GPSM1: variants seen among roughly 807,000 people sequenced by gnomAD.
GPSM1 encodes the protein G protein-signaling modulator 1.
Under a neutral mutation model 70.5 loss-of-function variants are expected in GPSM1, and 48 were observed. The observed-to-expected ratio is 0.68, with a 90% CI of 0.54 to 0.87. GPSM1 has a LOEUF of 0.87. Among genes scored for constraint, GPSM1 ranks in the 40% least tolerant of loss-of-function variants. The probability of loss-of-function intolerance (pLI) is 0.00; values close to 1 mark genes in which losing one functional copy is unlikely to be tolerated. For missense variants in GPSM1, 981 were observed against 972.6 expected, an observed-to-expected ratio of 1.01 and a Z score of -0.11; for synonymous variants, 416 against 430.1, an observed-to-expected ratio of 0.97 and a Z score of 0.41.
intron 2 of GPSM1, 77 bp downstream of exon 2, chr9:136,334,745 G>GGGTGAGTGGGGCGGCCCTGCTGGCGC: frequency 8.3e-7 from 1 of 1,197,880 alleles, no homozygotes; most frequent in African/African-American, 1.7e-5. Context: ...CCCTGCTGGT[G>GGGTGAGTGGGGCGGCCCTGCTGGCGC]GGTGAGTGGG....
chr9:136,341,876 C>T lies in GPSM1; in HGVS notation c.1207+883C>T, dbSNP rs1479063376. The T allele has an allele frequency of 1.3e-5, 9 of 697,196 alleles. No homozygotes were observed. The highest frequency in any genetic ancestry group is 7.2e-4 in the Middle Eastern group (1 of 1,390). The allele number at this position is 697,196 out of a possible 1,614,324, so 43.2% of individuals were successfully genotyped here. A position where few individuals can be genotyped will look rare whatever the true frequency, so the allele number is the denominator to read the frequency against. On this transcript the variant is annotated intron_variant, in intron 9 of 13. Transcript: ENST00000440944. The surrounding 1 kb of genome is among the most constrained non-coding windows in gnomAD (Gnocchi z 6.7). ...ATGTTGCCCAGGCCAGTGTCAAACT[C>T]CCAGCCTCAAGCGATCCTCCCATCT...
intron 11 of GPSM1, chr9:136,355,457 T>C: frequency 6.4e-5 from 1 of 15,682 alleles, no homozygotes; most frequent in Non-Finnish European, 9.8e-5. Flanking sequence ...TGACACGTCC[T>C]GGGGGAGGGG....
rs781965795 is a variant in GPSM1, at chr9:136,355,777, T to C, written c.1543T>C (p.Cys515Arg). ...FQSSRMDDQR[C>R]PLDDGQAGAA... Reference sequence around the variant, plus strand: ...GAGCAGCCGCATGGACGACCAGCGTTGTCCCCTGGACGATGGCCAGGCCGG... The same window carrying C: ...GAGCAGCCGCATGGACGACCAGCGTCGTCCCCTGGACGATGGCCAGGCCGG... Residue 515 changes from cysteine (C) to arginine (R), a missense_variant, in exon 12 of 14, where the codon TGT becomes CGT. Physicochemically the swap from Cys to Arg is radical, Grantham distance 180. Coordinates refer to ENST00000440944, the MANE Select transcript of GPSM1 (RefSeq NM_001145638.3). 5 of 1,611,864 alleles carry C rather than the reference T, an allele frequency of 3.1e-6. No individual in the cohort carries two copies. The East Asian group carries it at 6.7e-5, about 22-fold the overall frequency.
intron 1 of GPSM1, among the ~76,000 whole-genome samples, chr9:136,328,189 G>A (rs1554768159): frequency 1.3e-5 from 2 of 152,274 alleles, no homozygotes; most frequent in Admixed American, 1.3e-4. Flanking sequence ...ATCCAGCTGG[G>A]TTGGAAGGGA....
At position 136,342,544 on chromosome 9, in the gene GPSM1, C is replaced by A. The variant is rs943351797; in HGVS notation, c.1207+1551C>A. 6.6e-6 allele frequency among the ~76,000 whole-genome samples: 1 copy of A among 152,234 alleles called. No individual in the cohort carries two copies. Among genetic ancestry groups the A allele is most frequent in the African/African-American group, 2.4e-5 (1 of 41,552 alleles). On this transcript the variant is annotated intron_variant, in intron 9 of 13. Transcript: ENST00000440944. This position sits in a 1 kb window ranked among gnomAD's most constrained non-coding sequence, Gnocchi z 5.5. ...CGCCCAGGGCAGCCCGGCAGCCTGG[C>A]TGGGGCCGCCGCCCGGCTGCCGCTG...
In GPSM1 at chr9:136,335,994, A is replaced by G. The variant is rs1554769160; in HGVS notation, c.319A>G (p.Lys107Glu). The change falls in exon 3 of 14, where the codon AAG (lysine) becomes GAG (glutamate). Residue 107 changes from lysine (K) to glutamate (E), a missense_variant. Lys to Glu is a moderately conservative substitution (Grantham distance 56). Transcript: ENST00000440944. The stretch of plus-strand genomic sequence containing the variant: ...CATCGGTGACCGCATGGGGGAGGCC[A>G]AGGCCAGTGGAAACCTGGGAAACAC... ...RTIGDRMGEA[K>E]ASGNLGNTLK... is the part of the protein sequence containing the mutation. 1 of 1,612,548 alleles carries G rather than the reference A, an allele frequency of 6.2e-7. No individual in the cohort carries two copies. Among genetic ancestry groups the G allele is most frequent in the East Asian group, 2.2e-5 (1 of 44,870 alleles).
chr9:136,334,693 G>A lies in GPSM1; in HGVS notation c.290+25G>A, dbSNP rs1384975036. On this transcript the variant is annotated intron_variant, in intron 2 of 13. Coordinates refer to ENST00000440944, the MANE Select transcript of GPSM1 (RefSeq NM_001145638.3). Reference sequence around the variant, plus strand: ...GGTGAGTGGGGACGGTCCTGCTGGCGGGTGAGTGGGGCGGCCCTGCTGGCG... The same window carrying A: ...GGTGAGTGGGGACGGTCCTGCTGGCAGGTGAGTGGGGCGGCCCTGCTGGCG... 74 of 1,579,786 alleles carry A rather than the reference G, an allele frequency of 4.7e-5. No individual in the cohort carries two copies. The East Asian group carries it at 1.4e-3, about 30-fold the overall frequency.
chr9:136,351,452 C>T (rs902330797), intron 11 of GPSM1, among the ~76,000 whole-genome samples: 1 of 152,226 alleles, frequency 6.6e-6, no homozygotes, highest in Non-Finnish European at 1.5e-5. Context: ...CCCATCACAT[C>T]TGGGCCGCCA....
intron 9 of GPSM1, among the ~76,000 whole-genome samples, chr9:136,345,862 G>A (rs1406542177): frequency 3.3e-5 from 5 of 152,170 alleles, no homozygotes; most frequent in African/African-American, 1.2e-4. Context: ...GGTGGGGGTG[G>A]GCAGCTGGTG....
At position 136,341,361 on chromosome 9, in the gene GPSM1, G is replaced by C; in HGVS notation, c.1207+368G>C. On this transcript the variant is annotated intron_variant, in intron 9 of 13. Coordinates refer to ENST00000440944, the MANE Select transcript of GPSM1 (RefSeq NM_001145638.3). This position sits in a 1 kb window ranked among gnomAD's most constrained non-coding sequence, Gnocchi z 6.7. Reference sequence around the variant, plus strand: ...GCTGCTGGGAGGCGAGAGGGCATCAGCCAGAGGGCTGGGCTGGGCTGGGCT... The same window carrying C: ...GCTGCTGGGAGGCGAGAGGGCATCACCCAGAGGGCTGGGCTGGGCTGGGCT... The C allele has an allele frequency of 7.1e-7, 1 of 1,418,324 alleles. No homozygotes were observed. Among genetic ancestry groups the C allele is most frequent in the South Asian group, 1.5e-5 (1 of 66,702 alleles). The allele number at this position is 1,418,324 out of a possible 1,614,324, so 87.9% of individuals were successfully genotyped here. A position where few individuals can be genotyped will look rare whatever the true frequency, so the allele number is the denominator to read the frequency against.
rs182560439 is a variant in GPSM1, at chr9:136,350,541, C to T, written c.1455+778C>T. ...GTGGGTGCAGGGGCCGGGGCAGGAC[C>T]GATGGTGAGTGGGGTCATGGAGGGG... On this transcript the variant is annotated intron_variant, in intron 11 of 13. Coordinates refer to ENST00000440944, the MANE Select transcript of GPSM1 (RefSeq NM_001145638.3). Among the ~76,000 whole-genome samples the T allele has an allele frequency of 2.6e-5, 4 of 152,308 alleles. No homozygotes were observed. The East Asian group carries it at 7.7e-4, about 29-fold the overall frequency.
chr9:136,339,872 C>A, intron 8 of GPSM1, 57 bp downstream of exon 8: 1 of 1,091,284 alleles, frequency 9.2e-7, no homozygotes. Flanking sequence ...TCCAGACGGG[C>A]CGGGTCCCCT....
At chr9:136,347,925 C>G (rs886944426) in intron 9 of GPSM1, among the ~76,000 whole-genome samples, 5 of 152,170 alleles carry the variant, frequency 3.3e-5, no homozygotes, top group Non-Finnish European at 2.9e-5. Context: ...TGAGTGACAC[C>G]CGTCTCTGCC....
Position 136,356,511 on chromosome 9 carries a change from G to A in GPSM1, c.1782G>A (p.Glu594=). The change falls in exon 13 of 14, where the codon GAG becomes GAA. Residue 594 remains glutamate (E), a synonymous_variant. Transcript: ENST00000440944. ...TCCGAGGCCACGGCGAGCCCCAGGA[G>A]CCGGGGGACGACTTCTTCAACATGC... is the stretch of plus-strand genomic sequence containing the variant. The part of the protein sequence containing the change: ...GHLRGHGEPQ[E]PGDDFFNMLI... The A allele has an allele frequency of 1.2e-6, 2 of 1,612,000 alleles. No homozygotes were observed. Among genetic ancestry groups the A allele is most frequent in the Non-Finnish European group, 8.5e-7 (1 of 1,179,360 alleles).
rs150064893 is a variant in GPSM1, at chr9:136,337,032, G to A, written c.538G>A (p.Asp180Asn). ...GCAGGACCCCGGGCACCTGCCGCCC[G>A]ATGTCCGAGAGACCCTGTGCAAGGC... ...ATQDPGHLPP[D>N]VRETLCKASE... Residue 180 changes from aspartate (D) to asparagine (N), a missense_variant, in exon 4 of 14, where the codon GAT (aspartate) becomes AAT (asparagine). Coordinates refer to ENST00000440944, the MANE Select transcript of GPSM1 (RefSeq NM_001145638.3). The A allele has an allele frequency of 8.5e-4, 1,320 of 1,551,894 alleles. 2 individuals are homozygous for A. Among genetic ancestry groups the A allele is most frequent in the Middle Eastern group, 2.5e-3 (15 of 5,992 alleles).
intron 1 of GPSM1, among the ~76,000 whole-genome samples, chr9:136,334,182 C>T (rs1554768820): frequency 2.6e-5 from 4 of 152,242 alleles, no homozygotes; most frequent in Admixed American, 1.3e-4. Flanking sequence ...CACAAACTCA[C>T]ACCTTTGCCC....
At chr9:136,357,421 G>C (rs1482337895) in intron 13 of GPSM1, among the ~76,000 whole-genome samples, 1 of 152,170 alleles carries the variant, frequency 6.6e-6, no homozygotes, top group Admixed American at 6.5e-5. Flanking sequence ...CCATCCACAC[G>C]CATGCCTGCG....
intron 7 of GPSM1, among the ~76,000 whole-genome samples, chr9:136,339,280 A>G (rs1251840416): frequency 1.3e-5 from 2 of 152,270 alleles, no homozygotes; most frequent in African/African-American, 4.8e-5. Context: ...AATTCCTGTT[A>G]GACGCATTTC....
rs1325823985 is a variant in GPSM1 at position 136,341,725 on chromosome 9, G to GC, written c.1207+738dup. 3 of 988,846 alleles carry GC rather than the reference G, an allele frequency of 3.0e-6. No homozygotes were observed. The highest frequency in any genetic ancestry group is 3.6e-6 in the Non-Finnish European group (3 of 831,786). The allele number at this position is 988,846 out of a possible 1,614,324, so 61.3% of individuals were successfully genotyped here. ...GCCTGCCTCCCAGAACGTACCTGGT[G>GC]CCCCCCAGGCCTGCTAAGGACCAGG... On this transcript the variant is annotated intron_variant, in intron 9 of 13. Transcript: ENST00000440944. This position sits in a 1 kb window ranked among gnomAD's most constrained non-coding sequence, Gnocchi z 6.7.
Sources: allele counts gnomAD v4.1 joint callset (sites outside exome capture counted in the v4.1 genomes callset), GRCh38; gene constraint gnomAD v4.1.1; non-coding constraint Gnocchi (gnomAD v3.1); transcripts MANE v1.5; gene names NCBI Gene and HGNC (gene_info 2026-07-23, HGNC 2026-07-21).